Variants in IFT25 observed in about 807,000 individuals in gnomAD.
IFT25 encodes intraflagellar transport protein 25 homolog.
chr1:53,925,127 T>C, the IFT25 span, among the ~76,000 whole-genome samples: 1 of 152,308 alleles, frequency 6.6e-6, no homozygotes, highest in African/African-American at 2.4e-5. Context: ...TTATATAGTA[T>C]GGTAGGTAAA....
chr1:53,925,650 G>C, the IFT25 span, among the ~76,000 whole-genome samples: 612 of 146,536 alleles, frequency 4.2e-3, 5 homozygotes, highest in African/African-American at 0.015. Flanking sequence ...GAGCAATAGA[G>C]TGAGACTCAG....
chr1:53,945,242 G>A, the IFT25 span, among the ~76,000 whole-genome samples: 1 of 152,226 alleles, frequency 6.6e-6, no homozygotes. Context: ...TTACGTTGCG[G>A]CTGACAGCTT....
chr1:53,913,783 GGAATAGT>G, the IFT25 span, among the ~76,000 whole-genome samples: 1 of 152,154 alleles, frequency 6.6e-6, no homozygotes, highest in Non-Finnish European at 1.5e-5. Context: ...TGATAAGACA[GGAATAGT>G]GTCCCTTAAG....
chr1:53,943,489 T>C, the IFT25 span, among the ~76,000 whole-genome samples: 1 of 151,864 alleles, frequency 6.6e-6, no homozygotes, highest in Non-Finnish European at 1.5e-5. Flanking sequence ...GAGGGAACGC[T>C]GCTAAATATA....
chr1:53,923,927 G>A, the IFT25 span: 2 of 1,594,730 alleles, frequency 1.3e-6, no homozygotes, highest in Middle Eastern at 1.7e-4. Context: ...TTTTGAAGCT[G>A]CCCCTCTGTG....
chr1:53,922,569 A>G, the IFT25 span, among the ~76,000 whole-genome samples: 3 of 152,202 alleles, frequency 2.0e-5, no homozygotes, highest in African/African-American at 4.8e-5. Flanking sequence ...TATGTTTACA[A>G]CCTTGCACCC....
the IFT25 span, chr1:53,929,427 AGT>A: frequency 6.6e-6 from 1 of 152,200 alleles, no homozygotes; most frequent in Admixed American, 6.5e-5. Context: ...TAATTTTGCA[AGT>A]AGCCCCATCA....
the IFT25 span, among the ~76,000 whole-genome samples, chr1:53,925,558 G>A: frequency 3.9e-3 from 586 of 151,646 alleles, 1 homozygote; most frequent in African/African-American, 0.012. Context: ...CCAGTTACTC[G>A]GGAGGCTGAA....
At chr1:53,926,158 T>A in the IFT25 span, among the ~76,000 whole-genome samples, 1 of 152,112 alleles carries the variant, frequency 6.6e-6, no homozygotes, top group Non-Finnish European at 1.5e-5. Context: ...ACTTTTTTGT[T>A]CTTTTGAGAC....
the IFT25 span, among the ~76,000 whole-genome samples, chr1:53,938,148 C>T: frequency 2.0e-5 from 3 of 152,042 alleles, no homozygotes; most frequent in Admixed American, 2.0e-4. Flanking sequence ...CTTTTTTGTG[C>T]TTCTTATTCC....
the IFT25 span, among the ~76,000 whole-genome samples, chr1:53,931,555 T>C: frequency 3.7e-4 from 57 of 152,360 alleles, no homozygotes; most frequent in Admixed American, 1.0e-3. Flanking sequence ...ATAATAGATA[T>C]GAGGCTGTCC....
At chr1:53,946,058 CCCGCCCTCTCCGGCT>C in the IFT25 span, 1 of 152,560 alleles carries the variant, frequency 6.6e-6, no homozygotes, top group South Asian at 2.0e-4. Context: ...CACAATCGGC[CCCGCCCTCTCCGGCT>C]CCCATTACTT....
the IFT25 span, among the ~76,000 whole-genome samples, chr1:53,941,442 T>A: frequency 6.6e-6 from 1 of 152,272 alleles, no homozygotes; most frequent in Non-Finnish European, 1.5e-5. Context: ...TTTATTAGCA[T>A]AAAGTTCACT....
At chr1:53,934,943 G>C in the IFT25 span, among the ~76,000 whole-genome samples, 1 of 152,186 alleles carries the variant, frequency 6.6e-6, no homozygotes, top group Non-Finnish European at 1.5e-5. Flanking sequence ...AGGTTGCAGT[G>C]AGCTGAGACT....
At chr1:53,912,498 G>C in the IFT25 span, among the ~76,000 whole-genome samples, 5 of 152,166 alleles carry the variant, frequency 3.3e-5, no homozygotes, top group African/African-American at 1.2e-4. Context: ...TAAGTGCTCA[G>C]AGGGCACAGA....
chr1:53,942,621 G>A, the IFT25 span, among the ~76,000 whole-genome samples: 4 of 152,284 alleles, frequency 2.6e-5, no homozygotes, highest in South Asian at 8.3e-4. Flanking sequence ...TGACCACAAA[G>A]TCAATATAAG....
chr1:53,915,979 G>A, the IFT25 span, among the ~76,000 whole-genome samples: 2 of 152,168 alleles, frequency 1.3e-5, no homozygotes, highest in African/African-American at 4.8e-5. Flanking sequence ...GAGCCTGGGA[G>A]CTCGAGACTA....
chr1:53,921,594 GACA>G, the IFT25 span: 1 of 976,138 alleles, frequency 1.0e-6, no homozygotes, highest in Non-Finnish European at 1.6e-6. Context: ...GTATATCAGT[GACA>G]ACTTCCTGTT....
the IFT25 span, among the ~76,000 whole-genome samples, chr1:53,939,298 G>A: frequency 1.1e-4 from 16 of 151,562 alleles, no homozygotes; most frequent in African/African-American, 3.9e-4. Flanking sequence ...GGCTGAGGCA[G>A]GAGAATCACT....
Sources: gnomAD v4.1 joint callset for allele counts (sites outside exome capture counted in the v4.1 genomes callset) on GRCh38, gnomAD v4.1.1 for gene constraint, MANE v1.5 for transcripts, NCBI Gene and HGNC (gene_info 2026-07-23, HGNC 2026-07-21) for gene names.